C10orf53: variants seen among roughly 807,000 people sequenced by gnomAD.
C10orf53 encodes the protein chromosome 10 open reading frame 53, also known as UPF0728 protein C10orf53.
In C10orf53, 8 loss-of-function variants were observed where a neutral mutation model predicts 9.4. That is an observed-to-expected ratio of 0.85 (90% CI 0.50 to 1.53). The LOEUF is 1.53. C10orf53 is among the 40% of genes most tolerant of loss of function. The pLI is 0.00. For missense variants in C10orf53, 117 were observed against 117.8 expected, an observed-to-expected ratio of 0.99 and a Z score of 0.03; for synonymous variants, 48 against 46.0, an observed-to-expected ratio of 1.04 and a Z score of -0.18.
chr10:49,708,765 A>G (rs1840741316), exon 3 of C10orf53: 7 of 1,218,788 alleles, frequency 5.7e-6, no homozygotes, highest in Non-Finnish European at 7.9e-6. Flanking sequence ...GATGTCCCAC[A>G]GGCAACCTGT....
intron 1 of C10orf53, among the ~76,000 whole-genome samples, chr10:49,689,723 T>C (rs1166927822): frequency 6.6e-6 from 1 of 152,080 alleles, no homozygotes; most frequent in African/African-American, 2.4e-5. Flanking sequence ...CTGGGGCACA[T>C]GATGCACTGC....
At chr10:49,708,712 C>T in exon 3 of C10orf53, 1 of 1,523,320 alleles carries the variant, frequency 6.6e-7, no homozygotes, top group Non-Finnish European at 8.8e-7. Flanking sequence ...GCTGAGTCCC[C>T]CAAAACAAAA....
intron 1 of C10orf53, among the ~76,000 whole-genome samples, chr10:49,692,957 G>GA (rs1194197119): frequency 6.6e-6 from 1 of 151,970 alleles, no homozygotes; most frequent in Non-Finnish European, 1.5e-5. Context: ...AGAATAAAGA[G>GA]AAAAAAGTTT....
intron 1 of C10orf53, among the ~76,000 whole-genome samples, chr10:49,685,764 CTCTT>C (rs1416014944): frequency 1.3e-5 from 2 of 152,150 alleles, no homozygotes; most frequent in Admixed American, 6.5e-5. Flanking sequence ...TCAAGATTCT[CTCTT>C]TGTCTTTTGA....
Position 49,688,209 on chromosome 10 carries a change from A to G in C10orf53, c.98-5565A>G, listed in dbSNP as rs191499148. On this transcript the variant is annotated intron_variant, in intron 1 of 2. Transcript: ENST00000374111. ...GCAGCTCTGCCCACTTTCCCTCTCCACTGCTCACAGCAGCTCCATCTTGCA... is the reference window on the plus strand; with the variant it reads ...GCAGCTCTGCCCACTTTCCCTCTCCGCTGCTCACAGCAGCTCCATCTTGCA... Among the ~76,000 whole-genome samples the G allele has an allele frequency of 1.1e-4, 16 of 151,826 alleles. No homozygotes were observed. In the East Asian group the frequency reaches 2.9e-3, roughly 28 times the overall value.
Position 49,679,765 on chromosome 10 carries a change from A to C in C10orf53, c.68A>C (p.His23Pro). The C allele has an allele frequency of 6.5e-7, 1 of 1,545,312 alleles. No homozygotes were observed. Residue 23 changes from histidine (H) to proline (P), a missense_variant, in exon 1 of 3, where the codon CAC (histidine) becomes CCC (proline). Physicochemically the swap from His to Pro is moderately conservative, Grantham distance 77. Transcript: ENST00000374111. ...AGCGCGGCAGGCCTACCGGTGGAGC[A>C]CCACACCTTCCGCCTGCAGGGCCTG... ...PYSAAGLPVE[H>P]HTFRLQGLQA...
At chr10:49,683,323 A>G (rs1564503423) in intron 1 of C10orf53, among the ~76,000 whole-genome samples, 2 of 152,284 alleles carry the variant, frequency 1.3e-5, no homozygotes, top group South Asian at 2.1e-4. Flanking sequence ...TTGTATGTCT[A>G]TGGAGAAATG....
chr10:49,687,643 G>A (rs1328042490), intron 1 of C10orf53, among the ~76,000 whole-genome samples: 2 of 152,228 alleles, frequency 1.3e-5, no homozygotes, highest in Non-Finnish European at 2.9e-5. Context: ...TGCATGTAAA[G>A]TAATTAACTC....
In C10orf53 at chr10:49,679,781, G is replaced by C. The variant is rs144285786; in HGVS notation, c.84G>C (p.Leu28=). The C allele has an allele frequency of 1.3e-6, 2 of 1,540,588 alleles. No individual in the cohort carries two copies. The highest frequency in any genetic ancestry group is 5.0e-5 in the East Asian group (2 of 40,180). ...CGGTGGAGCACCACACCTTCCGCCT[G>C]CAGGGCCTGCAAGGTGGGCCTCCTC... ...GLPVEHHTFR[L]QGLQAVLAID... is the part of the protein sequence containing the mutation. The change falls in exon 1 of 3, where the codon CTG becomes CTC. Residue 28 remains leucine, a synonymous_variant. Coordinates refer to ENST00000374111, the MANE Select transcript of C10orf53 (RefSeq NM_001042427.3).
downstream of C10orf53, among the ~76,000 whole-genome samples, chr10:49,701,154 G>C (rs1380591148): frequency 6.6e-6 from 1 of 152,166 alleles, no homozygotes. Flanking sequence ...CACTCCAGCG[G>C]AGGGCAGCAC....
Position 49,695,054 on chromosome 10 carries a change from A to T in C10orf53, c.*452A>T, listed in dbSNP as rs539787464. 2.4e-5 allele frequency: 16 copies of T among 671,450 alleles called. No individual in the cohort carries two copies. The highest frequency in any genetic ancestry group is 2.3e-4 in the African/African-American group (12 of 51,078). 41.6% of individuals were successfully genotyped at this position (671,450 alleles called of 1,614,324 possible). On this transcript the variant is annotated 3_prime_UTR_variant, in exon 3 of 3. Coordinates refer to ENST00000374111, the MANE Select transcript of C10orf53 (RefSeq NM_001042427.3). ...TTTTGAAAGTCTGAACCAAAAGCAA[A>T]TGTTAATATTTGGAAACCTTGCTAT...
At chr10:49,682,043 C>A (rs1488555595) in intron 1 of C10orf53, among the ~76,000 whole-genome samples, 1 of 152,188 alleles carries the variant, frequency 6.6e-6, no homozygotes, top group East Asian at 1.9e-4. Context: ...TACCCACCCT[C>A]ACCTCATAAT....
downstream of C10orf53, among the ~76,000 whole-genome samples, chr10:49,702,476 A>C (rs1011799096): frequency 6.6e-6 from 1 of 152,270 alleles, no homozygotes; most frequent in African/African-American, 2.4e-5. Flanking sequence ...TCCAAATCTG[A>C]ATAGAGTGAA....
At chr10:49,681,610 A>AT (rs1840479585) in intron 1 of C10orf53, among the ~76,000 whole-genome samples, 1 of 152,188 alleles carries the variant, frequency 6.6e-6, no homozygotes, top group South Asian at 2.1e-4. Context: ...ATAGAAATAT[A>AT]TTTTTTCAGT....
chr10:49,692,868 T>C (rs1564505904), intron 1 of C10orf53, among the ~76,000 whole-genome samples: 1 of 152,198 alleles, frequency 6.6e-6, no homozygotes. Context: ...ATTCCAAAGA[T>C]GAGAATAAAA....
chr10:49,690,821 G>A (rs1245694066), intron 1 of C10orf53, among the ~76,000 whole-genome samples: 4 of 152,164 alleles, frequency 2.6e-5, no homozygotes, highest in Non-Finnish European at 5.9e-5. Context: ...GCCCTTGCGC[G>A]GGGGTGTGTG....
rs1016235456 is a variant in C10orf53 at position 49,696,437 on chromosome 10, T to C, written c.*1835T>C. On this transcript the variant is annotated 3_prime_UTR_variant, in exon 3 of 3. Coordinates refer to ENST00000374111, the MANE Select transcript of C10orf53 (RefSeq NM_001042427.3). ...AGTGGAATCCTGTCTCCTCTAGCCC[T>C]GCAACCCCGGCATTAAACTGGTAAC... is the stretch of plus-strand genomic sequence containing the variant. Among the ~76,000 whole-genome samples the C allele has an allele frequency of 6.6e-6, 1 of 152,212 alleles. No individual in the cohort carries two copies. The highest frequency in any genetic ancestry group is 2.4e-5 in the African/African-American group (1 of 41,470).
downstream of C10orf53, among the ~76,000 whole-genome samples, chr10:49,700,087 T>C (rs1840669945): frequency 6.6e-6 from 1 of 152,194 alleles, no homozygotes; most frequent in African/African-American, 2.4e-5. Flanking sequence ...GGGAGGAACC[T>C]GTCAGGTGAG....
chr10:49,688,396 G>A (rs983301917), intron 1 of C10orf53, among the ~76,000 whole-genome samples: 2 of 151,394 alleles, frequency 1.3e-5, no homozygotes, highest in Non-Finnish European at 2.9e-5. Context: ...TTGTCCACCC[G>A]CCATCATCTC....
Sources: gnomAD v4.1 joint callset for allele counts (sites outside exome capture counted in the v4.1 genomes callset) on GRCh38, gnomAD v4.1.1 for gene constraint, MANE v1.5 for transcripts, NCBI Gene and HGNC (gene_info 2026-07-23, HGNC 2026-07-21) for gene names.